The following ITPR2 variants were observed in gnomAD, a reference collection of about 807,000 sequenced individuals.
ITPR2 encodes inositol 1,4,5-trisphosphate receptor type 2.
A neutral mutation model predicts 317.1 loss-of-function variants in ITPR2; 207 were observed. That is an observed-to-expected ratio of 0.65 (90% CI 0.58 to 0.73). ITPR2 has a LOEUF of 0.73. Ranked by LOEUF, ITPR2 falls within the 30% of genes least tolerant of loss-of-function variation. The pLI is 0.00. For missense variants in ITPR2, 2,613 were observed against 3,284.0 expected (o/e 0.80, Z 4.99); for synonymous variants, 1,156 against 1,149.1 (o/e 1.01, Z -0.12).
chr12:26,428,141 T>A, intron 48 of ITPR2, 53 bp from the exon 49 acceptor site: 2 of 1,396,722 alleles, frequency 1.4e-6, no homozygotes, highest in African/African-American at 1.5e-5. Flanking sequence ...TAAAAAATGC[T>A]AAAATATTTG....
chr12:26,556,923 A>C (rs1944679582), intron 35 of ITPR2, among the ~76,000 whole-genome samples: 1 of 152,128 alleles, frequency 6.6e-6, no homozygotes, highest in Non-Finnish European at 1.5e-5. Flanking sequence ...TACTAAAAAT[A>C]CAAAAATCAG....
intron 18 of ITPR2, 134 bp from the exon 19 acceptor site, chr12:26,656,682 T>C: frequency 3.5e-6 from 3 of 862,090 alleles, no homozygotes; most frequent in Non-Finnish European, 3.6e-6. Flanking sequence ...AACTCTTGAC[T>C]GTAGTATGTT....
rs76679465 is a variant in ITPR2, at chr12:26,570,911, C to T, written c.4630+7802G>A. On this transcript the variant is annotated intron_variant, in intron 34 of 56. Coordinates refer to ENST00000381340, the MANE Select transcript of ITPR2 (RefSeq NM_002223.4). ...TGAACACCATGGTGTACATTTACTG[C>T]AGAGCTCTCCATCCTTACTTGCTCC... Among the ~76,000 whole-genome samples, 781 of 152,264 alleles carry T rather than the reference C, an allele frequency of 5.1e-3. 4 individuals carry two copies. The highest frequency in any genetic ancestry group is 0.017 in the African/African-American group (704 of 41,538).
At chr12:26,649,351 A>G (rs1947190274) in intron 21 of ITPR2, 1 of 152,236 alleles carries the variant, frequency 6.6e-6, no homozygotes, top group African/African-American at 2.4e-5. Flanking sequence ...GCACAGTGCA[A>G]TTACAAAAGT....
intron 55 of ITPR2, among the ~76,000 whole-genome samples, chr12:26,369,630 T>C (rs1209928557): frequency 6.6e-6 from 1 of 152,186 alleles, no homozygotes; most frequent in Non-Finnish European, 1.5e-5. Context: ...AATAAAGACT[T>C]ATACTAGTTT....
intron 32 of ITPR2, among the ~76,000 whole-genome samples, chr12:26,591,824 A>G (rs1238302920): frequency 1.4e-5 from 2 of 145,460 alleles, no homozygotes; most frequent in Non-Finnish European, 3.1e-5. Context: ...TGACAGAACC[A>G]GACTCTATCT....
intron 9 of ITPR2, among the ~76,000 whole-genome samples, chr12:26,699,833 T>C (rs1463076535): frequency 1.3e-5 from 2 of 151,878 alleles, no homozygotes; most frequent in African/African-American, 4.8e-5. Flanking sequence ...AGAGTAAAAA[T>C]GAATAGAAAA....
intron 51 of ITPR2, among the ~76,000 whole-genome samples, chr12:26,412,033 A>G (rs1940566540): frequency 6.6e-6 from 1 of 152,182 alleles, no homozygotes; most frequent in African/African-American, 2.4e-5. Context: ...GTATGAAACA[A>G]CGTTTTATTT....
chr12:26,363,633 T>C (rs900058689), intron 55 of ITPR2, among the ~76,000 whole-genome samples: 1 of 152,172 alleles, frequency 6.6e-6, no homozygotes, highest in African/African-American at 2.4e-5. Flanking sequence ...ACCATTTTCG[T>C]GATCTGATCT....
chr12:26,735,909 T>C (rs1009483766), intron 2 of ITPR2, among the ~76,000 whole-genome samples: 4 of 152,234 alleles, frequency 2.6e-5, no homozygotes, highest in Non-Finnish European at 5.9e-5. Context: ...TAAAAATGTC[T>C]TCCTCTTTTT....
intron 37 of ITPR2, among the ~76,000 whole-genome samples, chr12:26,516,971 A>T (rs1405612039): frequency 6.6e-6 from 1 of 152,170 alleles, no homozygotes; most frequent in African/African-American, 2.4e-5. Context: ...GGAAGTTAAC[A>T]AATAGTTTTA....
chr12:26,652,670 G>T (rs1591999801), intron 21 of ITPR2, among the ~76,000 whole-genome samples: 1 of 152,276 alleles, frequency 6.6e-6, no homozygotes, highest in East Asian at 1.9e-4. Context: ...GTAGCTAATA[G>T]CTGGCTGATA....
intron 2 of ITPR2, among the ~76,000 whole-genome samples, chr12:26,781,720 G>C (rs1950080166): frequency 6.6e-6 from 1 of 151,992 alleles, no homozygotes; most frequent in South Asian, 2.1e-4. Flanking sequence ...CTGTGAGGGT[G>C]TTGCCAAAGG....
rs138547255 is a variant in ITPR2, at chr12:26,830,697, T to C, written c.92+1993A>G. ...ATCCATAAGCATACATTTGCTGAAT[T>C]AGACACTAAAAAAAAGTTCTTTTCT... On this transcript the variant is annotated intron_variant, in intron 1 of 56. Transcript: ENST00000381340. 1.7e-3 allele frequency among the ~76,000 whole-genome samples: 259 copies of C among 152,352 alleles called. 2 individuals carry two copies. Among genetic ancestry groups the C allele is most frequent in the Non-Finnish European group, 2.7e-3 (185 of 68,026 alleles).
At position 26,338,504 on chromosome 12, in the gene ITPR2, T is replaced by C. The variant is rs1413656889; in HGVS notation, c.*893A>G. ...TTCACTCCATGTTTATAAAAGGCAA[T>C]GCCACCATCATAAGTTTCTCAATAA... On this transcript the variant is annotated 3_prime_UTR_variant, in exon 57 of 57. Transcript: ENST00000381340. 3 of 152,716 alleles carry C rather than the reference T, an allele frequency of 2.0e-5. No individual in the cohort carries two copies. Among genetic ancestry groups the C allele is most frequent in the South Asian group, 4.1e-4 (2 of 4,834 alleles). The allele number at this position is 152,716 out of a possible 1,614,324, so 9.5% of individuals were successfully genotyped here.
intron 2 of ITPR2, among the ~76,000 whole-genome samples, chr12:26,744,861 G>A (rs1949291872): frequency 6.6e-6 from 1 of 152,146 alleles, no homozygotes; most frequent in South Asian, 2.1e-4. Context: ...CAAATACATA[G>A]CCTTATAAAG....
chr12:26,667,436 C>T (rs555421403), intron 13 of ITPR2, among the ~76,000 whole-genome samples: 60 of 152,278 alleles, frequency 3.9e-4, no homozygotes, highest in African/African-American at 1.4e-3. Flanking sequence ...TAAATTGTAA[C>T]CCAGTCTGTT....
intron 26 of ITPR2, among the ~76,000 whole-genome samples, chr12:26,603,889 T>C (rs538046184): frequency 1.3e-5 from 2 of 152,182 alleles, no homozygotes; most frequent in Non-Finnish European, 2.9e-5. Context: ...TGGGGTCTGA[T>C]GGCCTCCCTT....
intron 55 of ITPR2, 117 bp from the exon 56 acceptor site, chr12:26,340,445 A>T (rs1938071747): frequency 2.7e-6 from 3 of 1,097,380 alleles, no homozygotes; most frequent in Non-Finnish European, 3.7e-6. Context: ...AATTGGAGAG[A>T]GAAAACCTGG....
Sources: gnomAD v4.1 joint callset for allele counts (sites outside exome capture counted in the v4.1 genomes callset) on GRCh38, gnomAD v4.1.1 for gene constraint, MANE v1.5 for transcripts, NCBI Gene and HGNC (gene_info 2026-07-23, HGNC 2026-07-21) for gene names.